The following CNTNAP4 variants were observed in gnomAD, a reference collection of about 807,000 sequenced individuals.
CNTNAP4 encodes contactin-associated protein-like 4.
CNTNAP4 carries 98 observed loss-of-function variants against 148.4 expected under a neutral mutation model. The ratio of observed to expected loss-of-function variants is 0.66; its 90% CI spans 0.56 to 0.78. The LOEUF (loss-of-function observed/expected upper bound fraction) is 0.78. Ranked by LOEUF, CNTNAP4 falls within the 30% of genes least tolerant of loss-of-function variation. The pLI is 0.00. For synonymous variants in CNTNAP4, 730 were observed against 565.1 expected (o/e 1.29, Z -4.14); for missense variants, 1,935 against 1,565.6 (o/e 1.24, Z -3.98).
At chr16:76,316,668 T>C in intron 2 of CNTNAP4, 145 bp downstream of exon 2, 1 of 632,758 alleles carries the variant, frequency 1.6e-6, no homozygotes, top group South Asian at 1.9e-5. Context: ...GAGATGTATA[T>C]GACATCTAGC....
intron 21 of CNTNAP4, among the ~76,000 whole-genome samples, chr16:76,549,723 G>C (rs764189348): frequency 6.6e-6 from 1 of 152,032 alleles, no homozygotes; most frequent in East Asian, 1.9e-4. Context: ...TTTGCTACTT[G>C]AATTTGCATC....
intron 15 of CNTNAP4, among the ~76,000 whole-genome samples, chr16:76,504,016 A>C (rs1193636869): frequency 6.6e-6 from 1 of 152,048 alleles, no homozygotes; most frequent in Non-Finnish European, 1.5e-5. Flanking sequence ...AATTTTTCCC[A>C]AATTTATATA....
rs901541814 is a variant in CNTNAP4, at chr16:76,316,459, C to T, written c.132C>T (p.Phe44=). The part of the protein sequence containing the change: ...PLVSALPQAS[F]SSSSELSSSH... Reference sequence around the variant, plus strand: ...TGTCTGCCTTGCCTCAGGCATCCTTCAGCAGTTCTTCCGAGCTCTCCAGCA... The same window carrying T: ...TGTCTGCCTTGCCTCAGGCATCCTTTAGCAGTTCTTCCGAGCTCTCCAGCA... The change falls in exon 2 of 24, where the codon TTC becomes TTT. Residue 44 remains phenylalanine (F), a synonymous_variant. Coordinates refer to ENST00000611870, the MANE Select transcript of CNTNAP4 (RefSeq NM_033401.5). 1.9e-6 allele frequency: 3 copies of T among 1,613,804 alleles called. No homozygotes were observed. The highest frequency in any genetic ancestry group is 1.3e-5 in the African/African-American group (1 of 74,910).
At chr16:76,399,732 T>A (rs2078335877) in intron 3 of CNTNAP4, among the ~76,000 whole-genome samples, 1 of 152,250 alleles carries the variant, frequency 6.6e-6, no homozygotes. Context: ...TATAATCTTA[T>A]CACTTAAAAG....
At chr16:76,374,162 T>C (rs945830489) in intron 3 of CNTNAP4, among the ~76,000 whole-genome samples, 1 of 152,192 alleles carries the variant, frequency 6.6e-6, no homozygotes, top group Admixed American at 6.5e-5. Flanking sequence ...AGGATTCTTT[T>C]TCAGTAAGTG....
At position 76,497,140 on chromosome 16, in the gene CNTNAP4, A is replaced by G. The variant is rs574469845; in HGVS notation, c.2238-1427A>G. Reference sequence around the variant, plus strand: ...AATTGCAAATATGTTGGTAAATATAAAAGCCAGTGTTTAAATTATTTTCTT... The same window carrying G: ...AATTGCAAATATGTTGGTAAATATAGAAGCCAGTGTTTAAATTATTTTCTT... On this transcript the variant is annotated intron_variant, in intron 14 of 23. Transcript: ENST00000611870. 5.2e-4 allele frequency among the ~76,000 whole-genome samples: 79 copies of G among 152,330 alleles called. No individual in the cohort carries two copies. The South Asian group carries it at 6.2e-3, about 12-fold the overall frequency.
At position 76,489,826 on chromosome 16, in the gene CNTNAP4, C is replaced by T. The variant is rs377701769; in HGVS notation, c.2023C>T (p.His675Tyr). 42 of 1,603,926 alleles carry T rather than the reference C, an allele frequency of 2.6e-5. No individual in the cohort carries two copies. The highest frequency in any genetic ancestry group is 4.5e-5 in the East Asian group (2 of 44,674). ...TCAGGCCACTATTAACCGTGCAGAG[C>T]ACTGTGAACAGGAGTTTACTTATTA... ...QLQATINRAE[H>Y]CEQEFTYYCK... The change falls in exon 13 of 24, where the codon CAC becomes TAC. Residue 675 changes from histidine (H) to tyrosine (Y), a missense_variant. Physicochemically the swap from His to Tyr is moderately conservative, Grantham distance 83 (BLOSUM62 2). Coordinates refer to ENST00000611870, the MANE Select transcript of CNTNAP4 (RefSeq NM_033401.5).
chr16:76,277,882 A>G, intron 1 of CNTNAP4, 135 bp downstream of exon 1: 3 of 658,058 alleles, frequency 4.6e-6, no homozygotes, highest in Non-Finnish European at 2.7e-6. Context: ...TCACTTAAAA[A>G]TCTTGCCAAT....
intron 3 of CNTNAP4, among the ~76,000 whole-genome samples, chr16:76,393,811 C>G (rs1030175777): frequency 6.6e-6 from 1 of 152,154 alleles, no homozygotes; most frequent in African/African-American, 2.4e-5. Flanking sequence ...ATCTAGAGGT[C>G]CTCGATGTCT....
In CNTNAP4 at chr16:76,365,751, CAAAAAA is replaced by C. The variant is rs35586454; in HGVS notation, c.390+10254_390+10259del. On this transcript the variant is annotated intron_variant, in intron 3 of 23. Coordinates refer to ENST00000611870, the MANE Select transcript of CNTNAP4 (RefSeq NM_033401.5). The stretch of plus-strand genomic sequence containing the variant: ...TGGGGGACAGAGTGAGACTCCGTCT[CAAAAAA>C]AAAAAAAAAAAAACCTAAGAGAATC... 7.0e-5 allele frequency among the ~76,000 whole-genome samples: 7 copies of C among 100,056 alleles called. No homozygotes were observed. The East Asian group carries it at 7.4e-4, about 11-fold the overall frequency. 65.6% of individuals were successfully genotyped at this position (100,056 alleles called of 152,430 possible).
chr16:76,279,005 G>A (rs1414680204), intron 1 of CNTNAP4, among the ~76,000 whole-genome samples: 2 of 152,178 alleles, frequency 1.3e-5, no homozygotes, highest in Admixed American at 1.3e-4. Flanking sequence ...TAGTTTGAGT[G>A]TTGTGATAAT....
At chr16:76,527,155 T>C (rs544440457) in intron 17 of CNTNAP4, among the ~76,000 whole-genome samples, 14 of 152,280 alleles carry the variant, frequency 9.2e-5, no homozygotes, top group African/African-American at 3.4e-4. Flanking sequence ...TTAATCTTCT[T>C]CCTCTCCTTT....
chr16:76,461,059 C>G (rs975555290), intron 8 of CNTNAP4, among the ~76,000 whole-genome samples: 2 of 151,808 alleles, frequency 1.3e-5, no homozygotes, highest in South Asian at 2.1e-4. Context: ...CCAACAGCAC[C>G]CTAACTCATG....
chr16:76,296,321 A>G (rs928503272), intron 1 of CNTNAP4, among the ~76,000 whole-genome samples: 1 of 152,048 alleles, frequency 6.6e-6, no homozygotes, highest in African/African-American at 2.4e-5. Context: ...ACCTACCTCC[A>G]CCCCACCCAT....
intron 3 of CNTNAP4, among the ~76,000 whole-genome samples, chr16:76,369,610 G>C (rs910769611): frequency 1.3e-5 from 2 of 152,210 alleles, no homozygotes; most frequent in Non-Finnish European, 2.9e-5. Flanking sequence ...GGGAAGCCAA[G>C]GTGGGAGGAT....
chr16:76,308,495 C>G (rs926052915), intron 1 of CNTNAP4, among the ~76,000 whole-genome samples: 2 of 152,174 alleles, frequency 1.3e-5, no homozygotes, highest in Admixed American at 6.5e-5. Context: ...GGCACCATGG[C>G]TACTACATAG....
intron 8 of CNTNAP4, among the ~76,000 whole-genome samples, chr16:76,460,817 TAGAG>T (rs1164664833): frequency 7.6e-6 from 1 of 132,414 alleles, no homozygotes; most frequent in Non-Finnish European, 1.6e-5. Flanking sequence ...TATAAATATA[TAGAG>T]AGTTTATTCA....
At chr16:76,467,682 T>G (rs2081225888) in intron 10 of CNTNAP4, among the ~76,000 whole-genome samples, 159 bp downstream of exon 10, 1 of 152,222 alleles carries the variant, frequency 6.6e-6, no homozygotes, top group Non-Finnish European at 1.5e-5. Context: ...AAATGCACCC[T>G]TTGTTTAAAT....
At chr16:76,455,390 G>A (rs772541551) in intron 8 of CNTNAP4, among the ~76,000 whole-genome samples, 1 of 152,160 alleles carries the variant, frequency 6.6e-6, no homozygotes, top group Non-Finnish European at 1.5e-5. Context: ...AGATGTTTCT[G>A]CATTTTTCTA....
Sources: allele counts gnomAD v4.1 joint callset (sites outside exome capture counted in the v4.1 genomes callset), GRCh38; gene constraint gnomAD v4.1.1; transcripts MANE v1.5; gene names NCBI Gene and HGNC (gene_info 2026-07-23, HGNC 2026-07-21).